Variants in FERRY3 observed in about 807,000 individuals in gnomAD.
FERRY3 encodes the protein FERRY endosomal RAB5 effector complex subunit 3.
At chr12:4,497,915 G>A in the FERRY3 span, among the ~76,000 whole-genome samples, 2 of 152,238 alleles carry the variant, frequency 1.3e-5, no homozygotes, top group South Asian at 2.1e-4. Context: ...AAAATGCTTC[G>A]GGATGCTTGC....
chr12:4,494,222 T>C, the FERRY3 span, among the ~76,000 whole-genome samples: 1 of 151,910 alleles, frequency 6.6e-6, no homozygotes, highest in African/African-American at 2.4e-5. Context: ...ATAACCTTTA[T>C]AAATTTAAAA....
At chr12:4,528,583 G>A in the FERRY3 span, among the ~76,000 whole-genome samples, 1 of 151,994 alleles carries the variant, frequency 6.6e-6, no homozygotes, top group Non-Finnish European at 1.5e-5. Context: ...TTTTGACAAA[G>A]AGATCATTCT....
At chr12:4,500,452 G>T in the FERRY3 span, 3 of 876,498 alleles carry the variant, frequency 3.4e-6, no homozygotes, top group East Asian at 8.0e-5. Context: ...TAGTAGGGGT[G>T]TATCCCAAAC....
the FERRY3 span, among the ~76,000 whole-genome samples, chr12:4,526,999 G>A: frequency 6.6e-6 from 1 of 151,916 alleles, no homozygotes; most frequent in South Asian, 2.1e-4. Context: ...TTAGTTCTAA[G>A]GCAGATGACT....
the FERRY3 span, chr12:4,525,184 AC>A: frequency 3.3e-6 from 5 of 1,530,986 alleles, no homozygotes; most frequent in Admixed American, 9.8e-5. Context: ...AAAAGGTTTA[AC>A]TTTGTAGTAA....
At chr12:4,509,704 AAACT>A in the FERRY3 span, among the ~76,000 whole-genome samples, 1 of 142,952 alleles carries the variant, frequency 7.0e-6, no homozygotes, top group Non-Finnish European at 1.5e-5. Context: ...GTTAGAAGGA[AAACT>A]AACAAACAGA....
the FERRY3 span, among the ~76,000 whole-genome samples, chr12:4,514,385 C>T: frequency 6.6e-6 from 1 of 152,000 alleles, no homozygotes; most frequent in Non-Finnish European, 1.5e-5. Flanking sequence ...ACCCAGCCAT[C>T]CCATTACTGG....
chr12:4,525,776 T>C, the FERRY3 span, among the ~76,000 whole-genome samples: 1 of 152,202 alleles, frequency 6.6e-6, no homozygotes, highest in Non-Finnish European at 1.5e-5. Flanking sequence ...ACGATGATAG[T>C]GTCATATAAT....
chr12:4,493,684 A>G, the FERRY3 span, among the ~76,000 whole-genome samples: 1 of 152,206 alleles, frequency 6.6e-6, no homozygotes, highest in Non-Finnish European at 1.5e-5. Flanking sequence ...GCTACAAAAG[A>G]GCTACAGTGG....
the FERRY3 span, among the ~76,000 whole-genome samples, chr12:4,505,135 C>T: frequency 6.6e-6 from 1 of 152,158 alleles, no homozygotes; most frequent in African/African-American, 2.4e-5. Flanking sequence ...TTAAGTTTAA[C>T]ACTGGAAAAC....
the FERRY3 span, among the ~76,000 whole-genome samples, chr12:4,511,809 C>T: frequency 7.3e-6 from 1 of 136,648 alleles, no homozygotes. Context: ...AATTGACAAC[C>T]TAACATCACA....
the FERRY3 span, among the ~76,000 whole-genome samples, chr12:4,532,726 T>A: frequency 9.8e-3 from 1,488 of 152,258 alleles, 24 homozygotes; most frequent in African/African-American, 0.034. Flanking sequence ...CATTTTTTTT[T>A]AAATCAGCCA....
At chr12:4,530,001 A>C in the FERRY3 span, 1 of 1,613,374 alleles carries the variant, frequency 6.2e-7, no homozygotes, top group Non-Finnish European at 8.5e-7. Context: ...CACATCTGCA[A>C]AATCTTCATC....
the FERRY3 span, among the ~76,000 whole-genome samples, chr12:4,501,431 T>C: frequency 6.6e-5 from 10 of 152,168 alleles, no homozygotes; most frequent in African/African-American, 9.7e-5. Flanking sequence ...CCGGGCTGCA[T>C]AGTGGGAGGT....
the FERRY3 span, chr12:4,518,101 T>C: frequency 6.2e-7 from 1 of 1,613,726 alleles, no homozygotes; most frequent in Non-Finnish European, 8.5e-7. Flanking sequence ...TATCTACTAG[T>C]AAAACCAGGC....
At chr12:4,523,751 T>A in the FERRY3 span, among the ~76,000 whole-genome samples, 1 of 152,010 alleles carries the variant, frequency 6.6e-6, no homozygotes, top group Non-Finnish European at 1.5e-5. Flanking sequence ...TAGGTGAGAA[T>A]TGAACAATGA....
the FERRY3 span, among the ~76,000 whole-genome samples, chr12:4,492,008 A>G: frequency 2.0e-5 from 3 of 152,196 alleles, no homozygotes; most frequent in Non-Finnish European, 4.4e-5. Context: ...TGAGTCCAAG[A>G]GTTCAAGTCC....
At chr12:4,528,947 G>GTGAT in the FERRY3 span, among the ~76,000 whole-genome samples, 1 of 147,656 alleles carries the variant, frequency 6.8e-6, no homozygotes, top group East Asian at 2.0e-4. Context: ...ACAAACAAAA[G>GTGAT]TGATTTAGTC....
At chr12:4,529,994 A>T in the FERRY3 span, 19 of 1,613,320 alleles carry the variant, frequency 1.2e-5, no homozygotes, top group Non-Finnish European at 1.6e-5. Flanking sequence ...CATGGTACAC[A>T]TCTGCAAAAT....
Sources: allele counts gnomAD v4.1 joint callset (sites outside exome capture counted in the v4.1 genomes callset), GRCh38; gene constraint gnomAD v4.1.1; transcripts MANE v1.5; gene names NCBI Gene and HGNC (gene_info 2026-07-23, HGNC 2026-07-21).